RASSF8: variants seen among roughly 807,000 people sequenced by gnomAD.
The protein encoded by RASSF8 is Ras association domain family member 8, also known as ras association domain-containing protein 8.
RASSF8 carries 22 observed loss-of-function variants against 48.5 expected under a neutral mutation model. That is an observed-to-expected ratio of 0.45 (90% CI 0.32 to 0.65). RASSF8 has a LOEUF of 0.65. Among genes scored for constraint, RASSF8 ranks in the 30% least tolerant of loss-of-function variants. RASSF8 has a pLI of 0.03. For missense variants in RASSF8, 418 were observed against 489.2 expected, an observed-to-expected ratio of 0.85 and a Z score of 1.37; for synonymous variants, 127 against 171.5, an observed-to-expected ratio of 0.74 and a Z score of 2.03.
Position 25,985,430 on chromosome 12 carries a change from T to A in RASSF8, c.-202-9607T>A, listed in dbSNP as rs571901022. On this transcript the variant is annotated intron_variant, in intron 1 of 5. Coordinates refer to ENST00000689635, the MANE Select transcript of RASSF8 (RefSeq NM_001394098.1). Reference sequence around the variant, plus strand: ...AGGGAAATACATAAGGATAATTTAGTTTGGTGCCTTTCAGAGACTATCGTA... The same window carrying A: ...AGGGAAATACATAAGGATAATTTAGATTGGTGCCTTTCAGAGACTATCGTA... Among the ~76,000 whole-genome samples the A allele has an allele frequency of 2.3e-4, 35 of 152,226 alleles. No individual in the cohort carries two copies. In the South Asian group the frequency reaches 7.1e-3, roughly 31 times the overall value.
At chr12:26,008,379 C>CCTGTGAG (rs1458537874) in intron 2 of RASSF8, among the ~76,000 whole-genome samples, 1 of 152,174 alleles carries the variant, frequency 6.6e-6, no homozygotes, top group Non-Finnish European at 1.5e-5. Context: ...AGCATGTTCT[C>CCTGTGAG]CTGTGAGCTG....
intron 1 of RASSF8, among the ~76,000 whole-genome samples, chr12:25,993,669 T>C (rs1056677954): frequency 1.3e-5 from 2 of 152,182 alleles, no homozygotes; most frequent in Non-Finnish European, 2.9e-5. Context: ...ACAGACAGGC[T>C]CTTTTGCCAA....
chr12:26,000,841 G>A (rs1942238513), intron 2 of RASSF8, among the ~76,000 whole-genome samples: 1 of 152,168 alleles, frequency 6.6e-6, no homozygotes, highest in South Asian at 2.1e-4. Context: ...GTATTGCCTA[G>A]AATGGAGCTT....
intron 2 of RASSF8, among the ~76,000 whole-genome samples, chr12:26,054,696 A>G (rs193204805): frequency 6.6e-6 from 1 of 152,238 alleles, no homozygotes. Flanking sequence ...TGAAATAATA[A>G]GGGAAAAAAA....
intron 1 of RASSF8, among the ~76,000 whole-genome samples, chr12:25,970,416 C>T (rs1941459652): frequency 6.6e-6 from 1 of 152,270 alleles, no homozygotes; most frequent in African/African-American, 2.4e-5. Flanking sequence ...TTTCCTATGC[C>T]ACCTCACCTT....
chr12:26,055,284 G>A lies in RASSF8; in HGVS notation c.-60G>A. The A allele has an allele frequency of 1.1e-5, 15 of 1,370,218 alleles. No homozygotes were observed. Among genetic ancestry groups the A allele is most frequent in the Non-Finnish European group, 1.5e-5 (14 of 957,696 alleles). The allele number at this position is 1,370,218 out of a possible 1,614,324, so 84.9% of individuals were successfully genotyped here. A position where few individuals can be genotyped will look rare whatever the true frequency, so the allele number is the denominator to read the frequency against. ...TCCACTCCGTGTTCCTGCAGCTAGA[G>A]ACATGACCTAACACCCTGATGACCA... On this transcript the variant is annotated 5_prime_UTR_variant, in exon 3 of 6. Transcript: ENST00000689635.
At chr12:25,974,328 A>G (rs894485967) in intron 1 of RASSF8, among the ~76,000 whole-genome samples, 2 of 152,174 alleles carry the variant, frequency 1.3e-5, no homozygotes, top group African/African-American at 2.4e-5. Context: ...TGCAAAGAGA[A>G]TGGAGATTCT....
intron 5 of RASSF8, among the ~76,000 whole-genome samples, chr12:26,067,971 A>G (rs1018152064): frequency 6.6e-6 from 1 of 152,042 alleles, no homozygotes; most frequent in Non-Finnish European, 1.5e-5. Context: ...AGGTTTCATC[A>G]TATTGCCCAG....
chr12:26,069,317 A>C lies in RASSF8; in HGVS notation c.*499A>C. The stretch of plus-strand genomic sequence containing the variant: ...TCCATGCATTGCTGATTTACACTAC[A>C]CAAGTGTCCTAGGGTGCTCCACCAT... On this transcript the variant is annotated 3_prime_UTR_variant, in exon 6 of 6. Transcript: ENST00000689635. 1.0e-6 allele frequency: 1 copy of C among 985,282 alleles called. No individual in the cohort carries two copies. The highest frequency in any genetic ancestry group is 1.2e-6 in the Non-Finnish European group (1 of 829,482). 61.0% of individuals were successfully genotyped at this position (985,282 alleles called of 1,614,324 possible). A position where few individuals can be genotyped will look rare whatever the true frequency, so the allele number is the denominator to read the frequency against.
At chr12:26,053,480 T>G (rs1197641193) in intron 2 of RASSF8, among the ~76,000 whole-genome samples, 1 of 152,244 alleles carries the variant, frequency 6.6e-6, no homozygotes, top group Non-Finnish European at 1.5e-5. Flanking sequence ...AGAACTTTTC[T>G]GTTTTCTTAA....
At chr12:26,003,870 T>G (rs1057011754) in intron 2 of RASSF8, among the ~76,000 whole-genome samples, 10 of 152,172 alleles carry the variant, frequency 6.6e-5, no homozygotes, top group African/African-American at 2.2e-4. Flanking sequence ...AAAATACATT[T>G]TCCATAAGGA....
At chr12:25,984,820 GA>G (rs1445665965) in intron 1 of RASSF8, among the ~76,000 whole-genome samples, 1 of 152,166 alleles carries the variant, frequency 6.6e-6, no homozygotes, top group African/African-American at 2.4e-5. Flanking sequence ...CTCATTTTAT[GA>G]GTACTCTTTT....
intron 1 of RASSF8, among the ~76,000 whole-genome samples, chr12:25,984,687 T>G (rs1289555271): frequency 1.3e-5 from 2 of 152,128 alleles, no homozygotes; most frequent in African/African-American, 4.8e-5. Context: ...TTAAGGAGAA[T>G]TGTTGTTACC....
chr12:25,986,927 T>TTTTTG (rs1555160456), intron 1 of RASSF8, among the ~76,000 whole-genome samples: 673 of 62,922 alleles, frequency 0.011, 5 homozygotes, highest in Middle Eastern at 0.041. Context: ...GTTTTTTTTT[T>TTTTTG]TTGTTTGTTT....
At chr12:26,075,710 T>C (rs1944065792), downstream of RASSF8, among the ~76,000 whole-genome samples, 1 of 152,150 alleles carries the variant, frequency 6.6e-6, no homozygotes, top group East Asian at 1.9e-4. Flanking sequence ...GAAGATCAAA[T>C]AAACAAATTG....
At chr12:25,964,654 T>A (rs1262541265) in intron 1 of RASSF8, among the ~76,000 whole-genome samples, 1 of 152,308 alleles carries the variant, frequency 6.6e-6, no homozygotes, top group South Asian at 2.1e-4. Context: ...TAAAAGAAAT[T>A]GGGATTCTCT....
chr12:26,069,476 C>T lies in RASSF8; in HGVS notation c.*658C>T, dbSNP rs550370503. On this transcript the variant is annotated 3_prime_UTR_variant, in exon 6 of 6. Coordinates refer to ENST00000689635, the MANE Select transcript of RASSF8 (RefSeq NM_001394098.1). ...TTCCTTTACAATATTTCCAAATATA[C>T]GTGTGGCCACAGAGCATAACAGATA... 34 of 985,366 alleles carry T rather than the reference C, an allele frequency of 3.5e-5. No homozygotes were observed. In the African/African-American group the frequency reaches 3.7e-4, roughly 11 times the overall value. The allele number at this position is 985,366 out of a possible 1,614,324, so 61.0% of individuals were successfully genotyped here.
At chr12:26,012,873 A>T (rs1228992422) in intron 2 of RASSF8, among the ~76,000 whole-genome samples, 1 of 151,786 alleles carries the variant, frequency 6.6e-6, no homozygotes, top group South Asian at 2.1e-4. Context: ...ACGGAGTCTC[A>T]CTTTGTTGCC....
At chr12:26,025,066 T>TA (rs1324310927) in intron 2 of RASSF8, among the ~76,000 whole-genome samples, 4 of 152,150 alleles carry the variant, frequency 2.6e-5, no homozygotes, top group East Asian at 3.9e-4. Flanking sequence ...CTCTTTATGA[T>TA]AAAAAACATT....
Sources: gnomAD v4.1 joint callset for allele counts (sites outside exome capture counted in the v4.1 genomes callset) on GRCh38, gnomAD v4.1.1 for gene constraint, MANE v1.5 for transcripts, NCBI Gene and HGNC (gene_info 2026-07-23, HGNC 2026-07-21) for gene names.